Variants in OR1D2 observed in about 807,000 individuals in gnomAD.
OR1D2 encodes the protein olfactory receptor family 1 subfamily D member 2.
For synonymous variants in OR1D2, 157 were observed against 153.9 expected (o/e 1.02, Z -0.15); for missense variants, 357 against 376.1 (o/e 0.95, Z 0.42).
chr17:3,098,546 A>G (rs1416147614), intron 1 of OR1D2, among the ~76,000 whole-genome samples: 1 of 152,200 alleles, frequency 6.6e-6, no homozygotes, highest in African/African-American at 2.4e-5. Flanking sequence ...AAACTAGACA[A>G]ACTCATGAAG....
chr17:3,103,839 C>T (rs1354865709), intron 1 of OR1D2, among the ~76,000 whole-genome samples: 2 of 152,212 alleles, frequency 1.3e-5, no homozygotes, highest in African/African-American at 4.8e-5. Flanking sequence ...GCCTAAATCC[C>T]CTCTTCTCAC....
At position 3,091,833 on chromosome 17, in the gene OR1D2, A is replaced by T; in HGVS notation, c.*225T>A. 2.2e-6 allele frequency: 1 copy of T among 463,884 alleles called. No homozygotes were observed. 28.7% of individuals were successfully genotyped at this position (463,884 alleles called of 1,614,324 possible). A position where few individuals can be genotyped will look rare whatever the true frequency, so the allele number is the denominator to read the frequency against. ...AGTACATTGAAGAATTTGACCCTGC[A>T]ACATTCTAGTGTTGGTGTTAGTGTG... On this transcript the variant is annotated 3_prime_UTR_variant, in exon 2 of 2. Transcript: ENST00000641833.
At position 3,090,273 on chromosome 17, in the gene OR1D2, GTAT is replaced by G. The variant is rs1329483640; in HGVS notation, c.*1782_*1784del. The G allele has an allele frequency of 6.6e-6, 1 of 152,066 alleles. No homozygotes were observed. Among genetic ancestry groups the G allele is most frequent in the Non-Finnish European group, 1.5e-5 (1 of 67,998 alleles). The allele number at this position is 152,066 out of a possible 1,614,324, so 9.4% of individuals were successfully genotyped here. ...TTGAGTTTTTTAAAGTTTAGTCATTGTATTATTTAGCTCCAGAATTACTGTTTC... is the reference window on the plus strand; with the variant it reads ...TTGAGTTTTTTAAAGTTTAGTCATTGTATTTAGCTCCAGAATTACTGTTTC... On this transcript the variant is annotated 3_prime_UTR_variant, in exon 2 of 2. Transcript: ENST00000641833.
chr17:3,088,729 C>T lies in OR1D2; in HGVS notation c.*3329G>A, dbSNP rs2047789744. ...TACAATGTCTGTAATCTATAGATAA[C>T]ATAACCAGTTAGGTCAGGGGTCGAT... is the stretch of plus-strand genomic sequence containing the variant. On this transcript the variant is annotated 3_prime_UTR_variant, in exon 2 of 2. Coordinates refer to ENST00000641833, the MANE Select transcript of OR1D2 (RefSeq NM_002548.3). 6.6e-6 allele frequency: 1 copy of T among 152,194 alleles called. No individual in the cohort carries two copies. The highest frequency in any genetic ancestry group is 2.1e-4 in the South Asian group (1 of 4,834). The allele number at this position is 152,194 out of a possible 1,614,324, so 9.4% of individuals were successfully genotyped here. A position where few individuals can be genotyped will look rare whatever the true frequency, so the allele number is the denominator to read the frequency against.
intron 1 of OR1D2, among the ~76,000 whole-genome samples, chr17:3,099,026 A>G (rs997110685): frequency 2.0e-5 from 3 of 152,192 alleles, no homozygotes; most frequent in Non-Finnish European, 4.4e-5. Flanking sequence ...AATATGGACT[A>G]CGTAAAAAGA....
intron 1 of OR1D2, among the ~76,000 whole-genome samples, chr17:3,102,129 G>A (rs749049777): frequency 3.9e-5 from 6 of 152,210 alleles, no homozygotes; most frequent in African/African-American, 7.2e-5. Flanking sequence ...TGCCAGGGAA[G>A]TATGGAGCCT....
chr17:3,092,566 A>G lies in OR1D2; in HGVS notation c.431T>C (p.Leu144Pro). ...GGATAGGACCCAACACAAGGAAAGG[A>G]GTAAGATACAGAGCTTAGGGCTCAT... is the stretch of plus-strand genomic sequence containing the variant. ...TAMSPKLCIL[L>P]LSLCWVLSVL... Residue 144 changes from leucine (L) to proline (P), a missense_variant, in exon 2 of 2, where the codon CTC becomes CCC. Transcript: ENST00000641833. 6.2e-7 allele frequency: 1 copy of G among 1,614,152 alleles called. No homozygotes were observed. The highest frequency in any genetic ancestry group is 8.5e-7 in the Non-Finnish European group (1 of 1,180,022).
Position 3,092,739 on chromosome 17 carries a change from C to T in OR1D2, c.258G>A (p.Gln86=), listed in dbSNP as rs372631381. 8 of 1,613,964 alleles carry T rather than the reference C, an allele frequency of 5.0e-6. No individual in the cohort carries two copies. Among genetic ancestry groups the T allele is most frequent in the African/African-American group, 2.7e-5 (2 of 74,894 alleles). The change falls in exon 2 of 2, where the codon CAG becomes CAA. Residue 86 remains glutamine (Q), a synonymous_variant. Transcript: ENST00000641833. ...NTIPKMLVNL[Q]SHNKAISYAG... ...CATAGGAGATGGCTTTGTTATGGGACTGGAGGTTCACCAGCATCTTGGGGA... is the reference window on the plus strand; with the variant it reads ...CATAGGAGATGGCTTTGTTATGGGATTGGAGGTTCACCAGCATCTTGGGGA...
In OR1D2 at chr17:3,091,825, G is replaced by C; in HGVS notation, c.*233C>G. On this transcript the variant is annotated 3_prime_UTR_variant, in exon 2 of 2. Coordinates refer to ENST00000641833, the MANE Select transcript of OR1D2 (RefSeq NM_002548.3). ...TGTAGTCAAGTACATTGAAGAATTT[G>C]ACCCTGCAACATTCTAGTGTTGGTG... 1 of 445,474 alleles carries C rather than the reference G, an allele frequency of 2.2e-6. No homozygotes were observed. The highest frequency in any genetic ancestry group is 4.0e-6 in the Non-Finnish European group (1 of 248,524). 27.6% of individuals were successfully genotyped at this position (445,474 alleles called of 1,614,324 possible).
rs754820008 is a variant in OR1D2 at position 3,092,224 on chromosome 17, AC to A, written c.772del (p.Val258TyrfsTer3). 47 of 1,614,060 alleles carry A rather than the reference AC, an allele frequency of 2.9e-5. No homozygotes were observed. The highest frequency in any genetic ancestry group is 3.9e-5 in the Non-Finnish European group (46 of 1,180,036). Reference protein sequence around the residue: ...VSLFYGTLCMVYLKPLHTYSV... With the variant: ...VSLFYGTLCMXYLKPLHTYSV... ...GTAGGTATGGAGGGGCTTTAGGTAT[AC>A]CATACAAAGTGTCCCATAGAAGAGG... On this transcript the variant is annotated frameshift_variant, in exon 2 of 2. Transcript: ENST00000641833. LOFTEE classifies it high-confidence loss of function.
In OR1D2 at chr17:3,089,657, G is replaced by A. The variant is rs754562038; in HGVS notation, c.*2401C>T. On this transcript the variant is annotated 3_prime_UTR_variant, in exon 2 of 2. Transcript: ENST00000641833. Reference sequence around the variant, plus strand: ...CAGGGTGCGTAGAGAAAGACCATTAGGTTGGGGCAGGGTTAGGCATGTGTG... The same window carrying A: ...CAGGGTGCGTAGAGAAAGACCATTAAGTTGGGGCAGGGTTAGGCATGTGTG... 1 of 152,268 alleles carries A rather than the reference G, an allele frequency of 6.6e-6. No homozygotes were observed. Among genetic ancestry groups the A allele is most frequent in the Non-Finnish European group, 1.5e-5 (1 of 68,110 alleles). 9.4% of individuals were successfully genotyped at this position (152,268 alleles called of 1,614,324 possible).
Position 3,091,506 on chromosome 17 carries a change from C to T in OR1D2, c.*552G>A, listed in dbSNP as rs559645606. On this transcript the variant is annotated 3_prime_UTR_variant, in exon 2 of 2. Coordinates refer to ENST00000641833, the MANE Select transcript of OR1D2 (RefSeq NM_002548.3). ...TGTACTTCCCCGAGTAGACTGTGAC[C>T]TCACATTTGTAACCCAGTTTGAGGC... The T allele has an allele frequency of 2.2e-4, 34 of 153,046 alleles. No individual in the cohort carries two copies. Among genetic ancestry groups the T allele is most frequent in the African/African-American group, 7.9e-4 (33 of 41,520 alleles). 9.5% of individuals were successfully genotyped at this position (153,046 alleles called of 1,614,324 possible).
chr17:3,101,677 A>C (rs1031512064), intron 1 of OR1D2, among the ~76,000 whole-genome samples: 1 of 152,184 alleles, frequency 6.6e-6, no homozygotes, highest in Non-Finnish European at 1.5e-5. Context: ...CAGGGCAATC[A>C]GGCAAGAGAA....
chr17:3,095,878 G>T (rs78528930), intron 1 of OR1D2, among the ~76,000 whole-genome samples: 2,252 of 152,076 alleles, frequency 0.015, 55 homozygotes, highest in African/African-American at 0.052. Flanking sequence ...ACTACAGAAG[G>T]TATAGTAGTA....
chr17:3,095,989 A>T (rs2047843197), intron 1 of OR1D2, among the ~76,000 whole-genome samples: 1 of 152,274 alleles, frequency 6.6e-6, no homozygotes, highest in Admixed American at 6.5e-5. Context: ...CATTTTCTAT[A>T]TATCATTGGA....
Position 3,093,065 on chromosome 17 carries a change from T to G in OR1D2, c.-50-19A>C, listed in dbSNP as rs1020574611. ...AAAAGTCCTTAATTGAATAAAAACA[T>G]GAAGATAAGCAAAATCAACATTTTC... On this transcript the variant is annotated intron_variant, in intron 1 of 1. Transcript: ENST00000641833. 2.2e-6 allele frequency: 3 copies of G among 1,378,436 alleles called. No homozygotes were observed. Among genetic ancestry groups the G allele is most frequent in the Admixed American group, 2.0e-5 (1 of 49,174 alleles). The allele number at this position is 1,378,436 out of a possible 1,614,324, so 85.4% of individuals were successfully genotyped here.
intron 1 of OR1D2, among the ~76,000 whole-genome samples, chr17:3,101,309 A>G (rs1222469182): frequency 6.6e-6 from 1 of 152,200 alleles, no homozygotes; most frequent in Non-Finnish European, 1.5e-5. Context: ...TAGCACATCA[A>G]AAAGCTTATC....
In OR1D2 at chr17:3,090,136, A is replaced by G. The variant is rs1275512375; in HGVS notation, c.*1922T>C. 6.6e-6 allele frequency: 1 copy of G among 152,226 alleles called. No individual in the cohort carries two copies. The highest frequency in any genetic ancestry group is 2.1e-4 in the South Asian group (1 of 4,832). 9.4% of individuals were successfully genotyped at this position (152,226 alleles called of 1,614,324 possible). ...GTTTGATGGGTCCCATATGTCCCAT[A>G]GGCTTTCTTCACTCTTTTTCCATTT... On this transcript the variant is annotated 3_prime_UTR_variant, in exon 2 of 2. Coordinates refer to ENST00000641833, the MANE Select transcript of OR1D2 (RefSeq NM_002548.3).
At chr17:3,098,389 G>A (rs562271911) in intron 1 of OR1D2, among the ~76,000 whole-genome samples, 54 of 152,132 alleles carry the variant, frequency 3.5e-4, no homozygotes, top group Non-Finnish European at 5.9e-4. Flanking sequence ...CAGATGAATA[G>A]GGCCTGTAAT....
Sources: allele counts gnomAD v4.1 joint callset (sites outside exome capture counted in the v4.1 genomes callset), GRCh38; gene constraint gnomAD v4.1.1; transcripts MANE v1.5; gene names NCBI Gene and HGNC (gene_info 2026-07-23, HGNC 2026-07-21).